The following ADCY8 variants were observed in gnomAD, a reference collection of about 807,000 sequenced individuals.
The protein encoded by ADCY8 is adenylate cyclase type 8.
A neutral mutation model predicts 119.7 loss-of-function variants in ADCY8; 51 were observed. That is an observed-to-expected ratio of 0.43 (90% CI 0.34 to 0.54). ADCY8 has a LOEUF of 0.54. Ranked by LOEUF, ADCY8 falls within the 20% of genes least tolerant of loss-of-function variation. The probability of loss-of-function intolerance (pLI) is 0.03; values close to 1 mark genes in which losing one functional copy is unlikely to be tolerated. For missense variants in ADCY8, 1,383 were observed against 1,598.8 expected (o/e 0.87, Z 2.30); for synonymous variants, 665 against 651.0 (o/e 1.02, Z -0.33).
chr8:130,790,383 T>C (rs1357001450), intron 15 of ADCY8, among the ~76,000 whole-genome samples: 1 of 152,156 alleles, frequency 6.6e-6, no homozygotes, highest in Non-Finnish European at 1.5e-5. Context: ...TCTATAAGTG[T>C]TCATGTATGG....
intron 5 of ADCY8, among the ~76,000 whole-genome samples, chr8:130,925,093 T>A (rs1820422743): frequency 6.6e-6 from 1 of 151,280 alleles, no homozygotes. Context: ...TAGTCCCAGC[T>A]ACTGGGGAGG....
chr8:130,925,135 G>A (rs760888969), intron 5 of ADCY8, among the ~76,000 whole-genome samples: 11 of 152,204 alleles, frequency 7.2e-5, no homozygotes, highest in Non-Finnish European at 1.3e-4. Context: ...AATCCGGGAG[G>A]TGGGGGTTGC....
At chr8:130,836,755 A>G (rs1343737218) in intron 11 of ADCY8, among the ~76,000 whole-genome samples, 1 of 151,910 alleles carries the variant, frequency 6.6e-6, no homozygotes, top group Non-Finnish European at 1.5e-5. Context: ...TTTGTTTGAG[A>G]TGGGGTCTCA....
intron 2 of ADCY8, among the ~76,000 whole-genome samples, chr8:130,983,310 A>G (rs1822293790): frequency 6.6e-6 from 1 of 152,180 alleles, no homozygotes; most frequent in African/African-American, 2.4e-5. Context: ...CCAGCAGGGT[A>G]GGATATGGGA....
intron 7 of ADCY8, among the ~76,000 whole-genome samples, chr8:130,897,869 ACACATACAC>A (rs1819457551): frequency 6.6e-6 from 1 of 151,172 alleles, no homozygotes; most frequent in Non-Finnish European, 1.5e-5. Context: ...TAAACACCAC[ACACATACAC>A]CACATACATA....
intron 15 of ADCY8, among the ~76,000 whole-genome samples, chr8:130,786,100 A>G (rs962845677): frequency 1.4e-4 from 22 of 152,206 alleles, no homozygotes; most frequent in Non-Finnish European, 5.9e-5. Context: ...TCCCACATAC[A>G]TATTCTTATC....
intron 7 of ADCY8, among the ~76,000 whole-genome samples, chr8:130,901,269 C>A (rs1819593132): frequency 8.5e-6 from 1 of 118,114 alleles, no homozygotes. Context: ...TTTTTACTAG[C>A]AGTAGTTGGC....
intron 1 of ADCY8, among the ~76,000 whole-genome samples, chr8:131,006,390 T>G (rs1379986682): frequency 1.3e-5 from 2 of 152,190 alleles, no homozygotes; most frequent in Non-Finnish European, 2.9e-5. Flanking sequence ...ACCAGTGACC[T>G]CTGTGTGCTT....
At chr8:130,820,325 T>C (rs753606572) in intron 13 of ADCY8, among the ~76,000 whole-genome samples, 1 of 152,208 alleles carries the variant, frequency 6.6e-6, no homozygotes, top group Non-Finnish European at 1.5e-5. Flanking sequence ...TTCCCAGCAA[T>C]GTGCTTCTAT....
At chr8:130,970,805 T>C (rs926148547) in intron 2 of ADCY8, among the ~76,000 whole-genome samples, 1 of 152,206 alleles carries the variant, frequency 6.6e-6, no homozygotes, top group Non-Finnish European at 1.5e-5. Context: ...AAAGCAAGAA[T>C]GAAAACAGAC....
At chr8:130,934,507 T>C (rs1458845596) in intron 5 of ADCY8, among the ~76,000 whole-genome samples, 2 of 152,254 alleles carry the variant, frequency 1.3e-5, no homozygotes, top group South Asian at 2.1e-4. Flanking sequence ...CCTCCAACAC[T>C]GAGGATTACA....
intron 1 of ADCY8, among the ~76,000 whole-genome samples, chr8:131,037,950 TAC>T (rs1370509520): frequency 2.0e-4 from 30 of 152,178 alleles, no homozygotes; most frequent in African/African-American, 7.0e-4. Context: ...AATCAACCCT[TAC>T]TCAGAGTCTC....
At chr8:130,884,955 A>G (rs377301473) in intron 7 of ADCY8, among the ~76,000 whole-genome samples, 194 bp from the exon 8 acceptor site, 4 of 152,294 alleles carry the variant, frequency 2.6e-5, no homozygotes, top group African/African-American at 7.2e-5. Context: ...TATCACATCC[A>G]GAGGGACACT....
At position 130,874,310 on chromosome 8, in the gene ADCY8, A is replaced by AAAATAAAT. The variant is rs142984550; in HGVS notation, c.2110-6372_2110-6365dup. 5.5e-3 allele frequency among the ~76,000 whole-genome samples: 811 copies of AAAATAAAT among 147,974 alleles called. 5 individuals are homozygous for AAAATAAAT. Among genetic ancestry groups the AAAATAAAT allele is most frequent in the South Asian group, 0.011 (52 of 4,628 alleles). ...AAGACAAAGCAAGACTCTGACTTAA[A>AAAATAAAT]AAATAAATAAATAAATAAATAAATA... is the stretch of plus-strand genomic sequence containing the variant. On this transcript the variant is annotated intron_variant, in intron 8 of 17. Transcript: ENST00000286355.
At chr8:130,916,183 C>T (rs1820123294) in intron 5 of ADCY8, among the ~76,000 whole-genome samples, 1 of 152,214 alleles carries the variant, frequency 6.6e-6, no homozygotes, top group Non-Finnish European at 1.5e-5. Context: ...TGGTCCATTT[C>T]TACTTCCCTG....
intron 3 of ADCY8, among the ~76,000 whole-genome samples, chr8:130,943,696 C>A (rs1400630327): frequency 6.6e-6 from 1 of 152,062 alleles, no homozygotes; most frequent in Non-Finnish European, 1.5e-5. Flanking sequence ...CCCTTTTTTC[C>A]TGTGCAGGGC....
chr8:130,798,093 A>G (rs1261906862), intron 15 of ADCY8, among the ~76,000 whole-genome samples: 2 of 152,228 alleles, frequency 1.3e-5, no homozygotes, highest in Non-Finnish European at 2.9e-5. Flanking sequence ...ATAAATAACT[A>G]TTAAATGATA....
chr8:130,896,596 T>C (rs1325283068), intron 7 of ADCY8, among the ~76,000 whole-genome samples: 1 of 152,160 alleles, frequency 6.6e-6, no homozygotes, highest in Non-Finnish European at 1.5e-5. Context: ...CAAAGTGTGA[T>C]GATGTCTGTA....
At chr8:130,955,031 T>C (rs1821384586) in intron 2 of ADCY8, among the ~76,000 whole-genome samples, 1 of 152,200 alleles carries the variant, frequency 6.6e-6, no homozygotes, top group Non-Finnish European at 1.5e-5. Flanking sequence ...CAAATATTTA[T>C]TGAGAACATA....
Sources: allele counts gnomAD v4.1 joint callset (sites outside exome capture counted in the v4.1 genomes callset), GRCh38; gene constraint gnomAD v4.1.1; transcripts MANE v1.5; gene names NCBI Gene and HGNC (gene_info 2026-07-23, HGNC 2026-07-21).